The following SUSD4 variants were observed in gnomAD, a reference collection of about 807,000 sequenced individuals.
SUSD4 encodes sushi domain containing 4, also known as sushi domain-containing protein 4.
SUSD4 carries 41 observed loss-of-function variants against 50.5 expected under a neutral mutation model. The observed-to-expected ratio is 0.81, with a 90% CI of 0.63 to 1.05. The LOEUF is 1.05. Among genes scored for constraint, SUSD4 ranks in the 50% least tolerant of loss-of-function variants. The probability of loss-of-function intolerance (pLI) is 0.00; values close to 1 mark genes in which losing one functional copy is unlikely to be tolerated. For synonymous variants in SUSD4, 257 were observed against 257.3 expected, an observed-to-expected ratio of 1.00 and a Z score of 0.01; for missense variants, 580 against 634.7, an observed-to-expected ratio of 0.91 and a Z score of 0.93.
chr1:223,341,892 C>A (rs188612788), intron 2 of SUSD4, among the ~76,000 whole-genome samples: 166 of 152,128 alleles, frequency 1.1e-3, no homozygotes, highest in African/African-American at 3.4e-3. Flanking sequence ...TCACCACCCC[C>A]ATCTGCGCCA....
At chr1:223,266,100 T>C (rs998215555) in intron 4 of SUSD4, among the ~76,000 whole-genome samples, 14 of 152,132 alleles carry the variant, frequency 9.2e-5, no homozygotes, top group Non-Finnish European at 2.1e-4. Context: ...ACTGTCGTGG[T>C]TGGGCAGTGC....
chr1:223,261,838 C>T (rs768509221), intron 5 of SUSD4, among the ~76,000 whole-genome samples: 18 of 152,220 alleles, frequency 1.2e-4, no homozygotes, highest in Non-Finnish European at 1.9e-4. Flanking sequence ...TGACCACATA[C>T]TATGGGCTGG....
At chr1:223,360,897 C>T (rs1416220218) in intron 2 of SUSD4, among the ~76,000 whole-genome samples, 1 of 152,188 alleles carries the variant, frequency 6.6e-6, no homozygotes, top group East Asian at 1.9e-4. Flanking sequence ...TCCTCACAGG[C>T]CATTTGCATT....
At chr1:223,275,168 G>A (rs1282843778) in intron 3 of SUSD4, among the ~76,000 whole-genome samples, 3 of 152,168 alleles carry the variant, frequency 2.0e-5, no homozygotes, top group Non-Finnish European at 4.4e-5. Context: ...TCTGGGGAGT[G>A]AACGACTAAA....
chr1:223,345,784 G>T (rs1667998706), intron 2 of SUSD4, among the ~76,000 whole-genome samples: 1 of 152,128 alleles, frequency 6.6e-6, no homozygotes, highest in Non-Finnish European at 1.5e-5. Context: ...ATGACTCCAT[G>T]CTTCTTCTCT....
intron 3 of SUSD4, among the ~76,000 whole-genome samples, chr1:223,286,701 T>C (rs1197801916): frequency 6.6e-6 from 1 of 152,232 alleles, no homozygotes; most frequent in Non-Finnish European, 1.5e-5. Context: ...CTCCCTTTCA[T>C]GGATGAGAAT....
In SUSD4 at chr1:223,268,568, C is replaced by T. The variant is rs144895803; in HGVS notation, c.469G>A (p.Asp157Asn). The T allele has an allele frequency of 1.1e-5, 17 of 1,614,102 alleles. No individual in the cohort carries two copies. The African/African-American group carries it at 1.5e-4, about 14-fold the overall frequency. The change falls in exon 4 of 9, where the codon GAC becomes AAC. Residue 157 changes from aspartate to asparagine, a missense_variant. Physicochemically the swap from Asp to Asn is conservative, Grantham distance 23 (BLOSUM62 1). Transcript: ENST00000366878. ...CHEGFKIRYP[D>N]LHNMVSLCRD... is the part of the protein sequence containing the mutation. ...CATAATGAAACCATATTGTGTAGGT[C>T]GGGGTACCGGATCTTGAATCCTTCA...
intron 5 of SUSD4, among the ~76,000 whole-genome samples, chr1:223,253,609 C>T (rs1661487365): frequency 6.6e-6 from 1 of 152,050 alleles, no homozygotes; most frequent in East Asian, 1.9e-4. Flanking sequence ...CGAATATTGC[C>T]GAGTGACTCC....
chr1:223,335,874 C>G (rs1667427669), intron 2 of SUSD4, among the ~76,000 whole-genome samples: 1 of 152,032 alleles, frequency 6.6e-6, no homozygotes, highest in Non-Finnish European at 1.5e-5. Context: ...TTGCACTTGA[C>G]AAATAGGAAA....
At chr1:223,327,768 G>A (rs1666959633) in intron 2 of SUSD4, among the ~76,000 whole-genome samples, 1 of 152,200 alleles carries the variant, frequency 6.6e-6, no homozygotes, top group South Asian at 2.1e-4. Flanking sequence ...CTGGCACCTT[G>A]GGCCAGGTGC....
At chr1:223,262,034 T>G (rs1177294945) in intron 5 of SUSD4, among the ~76,000 whole-genome samples, 1 of 152,176 alleles carries the variant, frequency 6.6e-6, no homozygotes, top group Non-Finnish European at 1.5e-5. Context: ...GAGGTCAGCT[T>G]GCACTGGTAA....
intron 3 of SUSD4, among the ~76,000 whole-genome samples, chr1:223,269,963 T>A (rs993565386): frequency 6.6e-6 from 1 of 151,512 alleles, no homozygotes; most frequent in African/African-American, 2.4e-5. Flanking sequence ...AGTGGGTGAG[T>A]GGGTGACTCT....
upstream of SUSD4, among the ~76,000 whole-genome samples, chr1:223,364,771 A>T (rs377753813): frequency 6.9e-3 from 1,043 of 151,922 alleles, 18 homozygotes; most frequent in African/African-American, 0.024. This position sits in a 1 kb window ranked among gnomAD's most constrained non-coding sequence, Gnocchi z 4.5. Flanking sequence ...CCAACCCCAG[A>T]ACTCTCGCCA....
chr1:223,272,836 T>G (rs1241511927), intron 3 of SUSD4, among the ~76,000 whole-genome samples: 5 of 152,228 alleles, frequency 3.3e-5, no homozygotes, highest in African/African-American at 1.2e-4. Flanking sequence ...GCACTCACTC[T>G]AGGCTCAGGG....
At chr1:223,283,170 G>C (rs1012907733) in intron 3 of SUSD4, among the ~76,000 whole-genome samples, 1 of 152,096 alleles carries the variant, frequency 6.6e-6, no homozygotes, top group Non-Finnish European at 1.5e-5. Context: ...CATAGGCAAG[G>C]GCAAGGACTT....
At chr1:223,240,081 T>C (rs929648914) in intron 5 of SUSD4, among the ~76,000 whole-genome samples, 28 of 152,172 alleles carry the variant, frequency 1.8e-4, no homozygotes, top group African/African-American at 6.5e-4. Flanking sequence ...GGTTTTTTTC[T>C]CTCAACACTT....
intron 2 of SUSD4, among the ~76,000 whole-genome samples, chr1:223,343,089 C>T (rs1667845670): frequency 6.6e-6 from 1 of 152,218 alleles, no homozygotes; most frequent in Admixed American, 6.5e-5. Context: ...AGGCTCTCTA[C>T]ACTCCAGGCA....
At chr1:223,286,395 G>A (rs1311203144) in intron 3 of SUSD4, among the ~76,000 whole-genome samples, 4 of 151,932 alleles carry the variant, frequency 2.6e-5, no homozygotes, top group Admixed American at 6.6e-5. Flanking sequence ...GATTATAGGC[G>A]CGAGCCACCG....
Position 223,229,346 on chromosome 1 carries a change from C to T in SUSD4, c.767G>A (p.Cys256Tyr). Reference protein sequence around the residue: ...PPMVSHGDFVCHPRPCERYNH... With the variant: ...PPMVSHGDFVYHPRPCERYNH... ...GTAGCGCTCACAAGGCCGCGGGTGG[C>T]AGACGAAATCTCCGTGACTCACCAT... The change falls in exon 6 of 9, where the codon TGC becomes TAC. Residue 256 changes from cysteine to tyrosine, a missense_variant. Transcript: ENST00000366878. This position sits in a 1 kb window ranked among gnomAD's most constrained non-coding sequence, Gnocchi z 4.7. 6.2e-7 allele frequency: 1 copy of T among 1,605,792 alleles called. No homozygotes were observed. The highest frequency in any genetic ancestry group is 8.5e-7 in the Non-Finnish European group (1 of 1,173,554).
Sources: allele counts gnomAD v4.1 joint callset (sites outside exome capture counted in the v4.1 genomes callset), GRCh38; gene constraint gnomAD v4.1.1; non-coding constraint Gnocchi (gnomAD v3.1); transcripts MANE v1.5; gene names NCBI Gene and HGNC (gene_info 2026-07-23, HGNC 2026-07-21).